The following MMRN1 variants were observed in gnomAD, a reference collection of about 807,000 sequenced individuals.
The protein encoded by MMRN1 is multimerin 1.
In MMRN1, 94 loss-of-function variants were observed where a neutral mutation model predicts 100.7. The ratio of observed to expected loss-of-function variants is 0.93; its 90% CI spans 0.79 to 1.11. MMRN1 has a LOEUF of 1.11. Ranked by LOEUF, MMRN1 falls within the 50% of genes least tolerant of loss-of-function variation. The pLI is 0.00. For missense variants in MMRN1, 1,606 were observed against 1,439.1 expected (o/e 1.12, Z -1.88); for synonymous variants, 575 against 505.0 (o/e 1.14, Z -1.86).
At chr4:89,903,495 A>G (rs1721455763) in intron 1 of MMRN1, among the ~76,000 whole-genome samples, 1 of 151,882 alleles carries the variant, frequency 6.6e-6, no homozygotes, top group Non-Finnish European at 1.5e-5. Context: ...AGGTCATTAA[A>G]GAAGCAAAAC....
At chr4:89,919,770 G>C (rs1722031329) in intron 3 of MMRN1, among the ~76,000 whole-genome samples, 1 of 151,854 alleles carries the variant, frequency 6.6e-6, no homozygotes, top group South Asian at 2.1e-4. Context: ...TTTAAAATTT[G>C]GTTAAACTTT....
At chr4:89,891,485 G>A (rs1721053061), upstream of MMRN1, among the ~76,000 whole-genome samples, 1 of 152,012 alleles carries the variant, frequency 6.6e-6, no homozygotes, top group Non-Finnish European at 1.5e-5. Flanking sequence ...ACTTCTTTAA[G>A]TTTAACTTCC....
chr4:89,938,476 CATATATATATATATATATATATAT>C (rs372673572), intron 6 of MMRN1, among the ~76,000 whole-genome samples: 2 of 123,600 alleles, frequency 1.6e-5, no homozygotes, highest in Non-Finnish European at 3.3e-5. Flanking sequence ...ATTTTTTAAA[CATATATATATATATATATATATAT>C]ATATATATAT....
intron 1 of MMRN1, among the ~76,000 whole-genome samples, chr4:89,879,778 T>G (rs1317125194): frequency 6.6e-6 from 1 of 152,150 alleles, no homozygotes; most frequent in East Asian, 1.9e-4. Flanking sequence ...AATGGGCACT[T>G]AGAATGCAGT....
In MMRN1 at chr4:89,953,836, TTAAA is replaced by T. The variant is rs1723260941; in HGVS notation, c.*424_*427del. 2 of 153,024 alleles carry T rather than the reference TTAAA, an allele frequency of 1.3e-5. No homozygotes were observed. Among genetic ancestry groups the T allele is most frequent in the Non-Finnish European group, 1.5e-5 (1 of 68,636 alleles). The allele number at this position is 153,024 out of a possible 1,614,324, so 9.5% of individuals were successfully genotyped here. On this transcript the variant is annotated 3_prime_UTR_variant, in exon 8 of 8. Transcript: ENST00000264790. ...ACACACATTTTCTAGATTCACAAATTTAAATAAATTACTCAAAAAATGAAAATTG... is the reference window on the plus strand; with the variant it reads ...ACACACATTTTCTAGATTCACAAATTTAAATTACTCAAAAAATGAAAATTG...
chr4:89,929,312 A>T (rs1722363814), intron 5 of MMRN1, among the ~76,000 whole-genome samples: 1 of 152,180 alleles, frequency 6.6e-6, no homozygotes. Flanking sequence ...TGGATATTTA[A>T]TATATCATCT....
chr4:89,927,892 T>G lies in MMRN1; in HGVS notation c.1053T>G (p.Asp351Glu). 6.2e-7 allele frequency: 1 copy of G among 1,611,792 alleles called. No individual in the cohort carries two copies. The highest frequency in any genetic ancestry group is 8.5e-7 in the Non-Finnish European group (1 of 1,178,942). The change falls in exon 5 of 8, where the codon GAT becomes GAG. Residue 351 changes from aspartate (D) to glutamate (E), a missense_variant. Asp to Glu is a conservative substitution (Grantham distance 45, BLOSUM62 2). Coordinates refer to ENST00000264790, the MANE Select transcript of MMRN1 (RefSeq NM_007351.3). ...KIDNISLTVNDVRNTYSSLEG... is the reference protein window; with the variant it reads ...KIDNISLTVNEVRNTYSSLEG... ...ACAATATTTCTTTGACTGTGAATGATGTAAGGAACACTTACTCCTCCCTAG... is the reference window on the plus strand; with the variant it reads ...ACAATATTTCTTTGACTGTGAATGAGGTAAGGAACACTTACTCCTCCCTAG...
intron 6 of MMRN1, 126 bp from the exon 7 acceptor site, chr4:89,951,479 C>G (rs1723172115): frequency 2.1e-6 from 2 of 945,790 alleles, no homozygotes; most frequent in Non-Finnish European, 2.9e-6. Context: ...GCATCCTGGG[C>G]CGTGGAGCCC....
intron 3 of MMRN1, among the ~76,000 whole-genome samples, chr4:89,922,208 G>A (rs1722110749): frequency 6.6e-6 from 1 of 152,060 alleles, no homozygotes. Flanking sequence ...GGGTTCAATA[G>A]ACTCTCCTGC....
At chr4:89,941,862 G>A (rs1311408243) in intron 6 of MMRN1, among the ~76,000 whole-genome samples, 1 of 152,158 alleles carries the variant, frequency 6.6e-6, no homozygotes, top group African/African-American at 2.4e-5. Flanking sequence ...AAACATATCA[G>A]TGTTGAAGGA....
At position 89,923,211 on chromosome 4, in the gene MMRN1, T is replaced by C. The variant is rs374985221; in HGVS notation, c.894T>C (p.Ser298=). ...QSLIHTNQAE[S]HTAVGRGVAE... is the part of the protein sequence containing the mutation. ...TGATACACACCAACCAGGCTGAAAG[T>C]CATACAGCTGTTGGCAGAGGAGTAG... Residue 298 remains serine (S), a synonymous_variant, in exon 4 of 8, where the codon AGT becomes AGC. Transcript: ENST00000264790. 14 of 1,613,990 alleles carry C rather than the reference T, an allele frequency of 8.7e-6. No homozygotes were observed. Among genetic ancestry groups the C allele is most frequent in the Non-Finnish European group, 1.2e-5 (14 of 1,179,860 alleles).
At chr4:89,924,878 A>G (rs72659412) in intron 4 of MMRN1, among the ~76,000 whole-genome samples, 189 of 152,116 alleles carry the variant, frequency 1.2e-3, no homozygotes, top group Admixed American at 2.1e-3. Context: ...TTTTAAATAT[A>G]TATATTTAAC....
At position 89,936,304 on chromosome 4, in the gene MMRN1, CTTA is replaced by C. The variant is rs761713639; in HGVS notation, c.2629_2631del (p.Tyr877del). ...TCTAAAGTTACCCAGACGCTCATAC[CTTA>C]TTATATTTCAGTTAAAAAAGGCAGT... On this transcript the variant is annotated inframe_deletion, in exon 6 of 8. Transcript: ENST00000264790. 6.8e-6 allele frequency: 11 copies of C among 1,612,504 alleles called. No individual in the cohort carries two copies. The highest frequency in any genetic ancestry group is 1.7e-4 in the Middle Eastern group (1 of 6,048).
intron 1 of MMRN1, among the ~76,000 whole-genome samples, chr4:89,897,328 C>G (rs1010500963): frequency 6.6e-5 from 10 of 152,016 alleles, no homozygotes; most frequent in African/African-American, 1.2e-4. Flanking sequence ...CTTGCCTCAG[C>G]CTTCTGAGTA....
rs1262394417 is a variant in MMRN1 at position 89,909,317 on chromosome 4, T to C, written c.665T>C (p.Val222Ala). ...AYVHTRLSPT[V>A]ILDNQVTYVP... ...GTACATACCAGGTTATCTCCCACAG[T>C]GATATTGGACAACCAGGTCACTTAT... The change falls in exon 2 of 8, where the codon GTG becomes GCG. Residue 222 changes from valine to alanine, a missense_variant. Val to Ala is a moderately conservative substitution (Grantham distance 64). Coordinates refer to ENST00000264790, the MANE Select transcript of MMRN1 (RefSeq NM_007351.3). 1 of 1,609,888 alleles carries C rather than the reference T, an allele frequency of 6.2e-7. No individual in the cohort carries two copies. The highest frequency in any genetic ancestry group is 1.7e-5 in the Admixed American group (1 of 59,704).
chr4:89,941,062 C>T (rs534864454), intron 6 of MMRN1, among the ~76,000 whole-genome samples: 1 of 152,022 alleles, frequency 6.6e-6, no homozygotes, highest in Non-Finnish European at 1.5e-5. Flanking sequence ...TTTCTCCAAG[C>T]GATTTTCTAC....
At chr4:89,921,736 G>A (rs1358954162) in intron 3 of MMRN1, among the ~76,000 whole-genome samples, 1 of 152,084 alleles carries the variant, frequency 6.6e-6, no homozygotes, top group Non-Finnish European at 1.5e-5. Context: ...AAAAATCTTG[G>A]ACATGAATGG....
chr4:89,881,730 G>A (rs2110566727), intron 1 of MMRN1, among the ~76,000 whole-genome samples: 1 of 151,948 alleles, frequency 6.6e-6, no homozygotes, highest in Non-Finnish European at 1.5e-5. Flanking sequence ...ATTAAGTGCT[G>A]TACACCTGCT....
In MMRN1 at chr4:89,949,649, G is replaced by A. The variant is rs550458767; in HGVS notation, c.3119-1956G>A. Among the ~76,000 whole-genome samples the A allele has an allele frequency of 2.2e-4, 33 of 152,312 alleles. No individual in the cohort carries two copies. The South Asian group carries it at 6.8e-3, about 32-fold the overall frequency. ...ATTTGTTAAAAGGTATTACACACAT[G>A]TAATATTTTAATACTTTTCTTAATA... is the stretch of plus-strand genomic sequence containing the variant. On this transcript the variant is annotated intron_variant, in intron 6 of 7. Transcript: ENST00000264790.
Sources: allele counts gnomAD v4.1 joint callset (sites outside exome capture counted in the v4.1 genomes callset), GRCh38; gene constraint gnomAD v4.1.1; transcripts MANE v1.5; gene names NCBI Gene and HGNC (gene_info 2026-07-23, HGNC 2026-07-21).